The following FAM184A variants were observed in gnomAD, a reference collection of about 807,000 sequenced individuals.
The protein encoded by FAM184A is protein FAM184A.
A neutral mutation model predicts 143.8 loss-of-function variants in FAM184A; 99 were observed. The ratio of observed to expected loss-of-function variants is 0.69; its 90% CI spans 0.58 to 0.81. The LOEUF is 0.81. Ranked by LOEUF, FAM184A falls within the 40% of genes least tolerant of loss-of-function variation. The pLI is 0.00. For synonymous variants in FAM184A, 427 were observed against 446.4 expected (o/e 0.96, Z 0.55); for missense variants, 1,217 against 1,310.5 (o/e 0.93, Z 1.10).
At chr6:119,118,795 T>C (rs1179230368) in intron 1 of FAM184A, among the ~76,000 whole-genome samples, 1 of 152,004 alleles carries the variant, frequency 6.6e-6, no homozygotes, top group Non-Finnish European at 1.5e-5. Context: ...CTGAACAATA[T>C]GAAATCTGGG....
At chr6:119,140,766 G>C (rs1027707961) in intron 1 of FAM184A, among the ~76,000 whole-genome samples, 3 of 152,122 alleles carry the variant, frequency 2.0e-5, no homozygotes, top group Non-Finnish European at 2.9e-5. Flanking sequence ...GGCGAGGGAG[G>C]GTCTCTCTTT....
At chr6:119,076,904 C>T (rs1244021487) in intron 1 of FAM184A, among the ~76,000 whole-genome samples, 1 of 152,168 alleles carries the variant, frequency 6.6e-6, no homozygotes, top group African/African-American at 2.4e-5. Flanking sequence ...CTAACAATTT[C>T]TGAGACAGTG....
At position 119,011,400 on chromosome 6, in the gene FAM184A, A is replaced by C. The variant is rs1785084411; in HGVS notation, c.1562T>G (p.Leu521Arg). 6.4e-7 allele frequency: 1 copy of C among 1,564,792 alleles called. No individual in the cohort carries two copies. Among genetic ancestry groups the C allele is most frequent in the African/African-American group, 1.4e-5 (1 of 72,504 alleles). ...CTGATTTTTATCCTCTTCCAGGTTT[A>C]GTTTATCTTTGTTATGTTGTTCTTC... ...DLEEQHNKDK[L>R]NLEEDKNQLQ... Residue 521 changes from leucine (L) to arginine (R), a missense_variant, in exon 6 of 18, where the codon CTA becomes CGA. Physicochemically the swap from Leu to Arg is moderately radical, Grantham distance 102. Coordinates refer to ENST00000338891, the MANE Select transcript of FAM184A (RefSeq NM_024581.6).
intron 2 of FAM184A, 137 bp downstream of exon 2, chr6:119,023,822 T>TAAAAAAAAAAAAAAAAAAAAAAAAA (rs11353751): frequency 2.6e-6 from 1 of 389,420 alleles, no homozygotes; most frequent in Non-Finnish European, 4.2e-6. Flanking sequence ...CAGGAAAAGT[T>TAAAAAAAAAAAAAAAAAAAAAAAAA]AAAAAAAAAA....
intron 1 of FAM184A, among the ~76,000 whole-genome samples, chr6:119,130,373 C>T (rs1326094644): frequency 6.6e-6 from 1 of 152,116 alleles, no homozygotes; most frequent in Non-Finnish European, 1.5e-5. Flanking sequence ...AATAAATGCC[C>T]TAGATTCAAT....
In FAM184A at chr6:118,975,248, T is replaced by C. The variant is rs1019555412; in HGVS notation, c.2584-40A>G. 4 of 1,388,358 alleles carry C rather than the reference T, an allele frequency of 2.9e-6. No homozygotes were observed. The African/African-American group carries it at 5.8e-5, about 20-fold the overall frequency. The allele number at this position is 1,388,358 out of a possible 1,614,324, so 86.0% of individuals were successfully genotyped here. On this transcript the variant is annotated intron_variant, in intron 12 of 17. Coordinates refer to ENST00000338891, the MANE Select transcript of FAM184A (RefSeq NM_024581.6). ...AAGTCATTTTTAGAAGTTTTCTACATATTTGATTTCTGTGTTTATCTGCGG... is the reference window on the plus strand; with the variant it reads ...AAGTCATTTTTAGAAGTTTTCTACACATTTGATTTCTGTGTTTATCTGCGG...
intron 1 of FAM184A, among the ~76,000 whole-genome samples, chr6:119,025,255 A>G (rs1582520584): frequency 6.6e-6 from 1 of 152,176 alleles, no homozygotes; most frequent in African/African-American, 2.4e-5. Flanking sequence ...GAGGCTTCAC[A>G]TGAAGAGAAG....
chr6:119,018,095 C>T (rs1785324720), intron 4 of FAM184A, among the ~76,000 whole-genome samples: 1 of 152,154 alleles, frequency 6.6e-6, no homozygotes, highest in Admixed American at 6.5e-5. Context: ...TATTCCCTTA[C>T]AGCAATGCAA....
At position 119,019,673 on chromosome 6, in the gene FAM184A, G is replaced by A. The variant is rs561666155; in HGVS notation, c.1332+305C>T. 1.0e-3 allele frequency among the ~76,000 whole-genome samples: 158 copies of A among 152,196 alleles called. 1 individual carries two copies. The highest frequency in any genetic ancestry group is 4.0e-3 in the South Asian group (19 of 4,810). On this transcript the variant is annotated intron_variant, in intron 4 of 17. Transcript: ENST00000338891. Reference sequence around the variant, plus strand: ...GTAATATATTTCATTAATAGAAAACGAATAATGATTATAAGTATACACTCC... The same window carrying A: ...GTAATATATTTCATTAATAGAAAACAAATAATGATTATAAGTATACACTCC...
At chr6:119,017,992 C>A (rs2114675921) in intron 4 of FAM184A, among the ~76,000 whole-genome samples, 1 of 152,304 alleles carries the variant, frequency 6.6e-6, no homozygotes, top group South Asian at 2.1e-4. Flanking sequence ...TGAGGCCTCA[C>A]CAGAAACAGA....
rs377670098 is a variant in FAM184A at position 119,003,030 on chromosome 6, G to A, written c.1957C>T (p.Arg653Cys). The A allele has an allele frequency of 1.8e-5, 29 of 1,606,320 alleles. No individual in the cohort carries two copies. The highest frequency in any genetic ancestry group is 3.3e-4 in the Middle Eastern group (2 of 6,052). ...TCATGTTGAAGCCTTAACTCTTCAC[G>A]AAGTTTAGAACACTCTTGTCTAAAA... Reference protein sequence around the residue: ...ENLRQECSKLREELRLQHEED... With the variant: ...ENLRQECSKLCEELRLQHEED... The change falls in exon 9 of 18, where the codon CGT becomes TGT. Residue 653 changes from arginine to cysteine, a missense_variant. By Grantham distance (180) the Arg-to-Cys change is radical (BLOSUM62 -3). Coordinates refer to ENST00000338891, the MANE Select transcript of FAM184A (RefSeq NM_024581.6).
chr6:119,019,810 A>T (rs1480943844), intron 4 of FAM184A, among the ~76,000 whole-genome samples, 168 bp downstream of exon 4: 1 of 152,254 alleles, frequency 6.6e-6, no homozygotes, highest in East Asian at 1.9e-4. Context: ...ACAGCATAGG[A>T]TAGTCTAGCT....
chr6:119,063,835 C>T (rs926498466), intron 1 of FAM184A, among the ~76,000 whole-genome samples: 1 of 152,120 alleles, frequency 6.6e-6, no homozygotes, highest in Non-Finnish European at 1.5e-5. Flanking sequence ...TACTAATAAA[C>T]CAGCCTCCGG....
intron 14 of FAM184A, 68 bp from the exon 15 acceptor site, chr6:118,967,020 A>C: frequency 1.4e-6 from 1 of 731,194 alleles, no homozygotes; most frequent in Non-Finnish European, 2.2e-6. Context: ...ACCTACATTA[A>C]AAAAATTAGT....
chr6:119,134,733 T>C (rs979567055), intron 1 of FAM184A, among the ~76,000 whole-genome samples: 5 of 150,918 alleles, frequency 3.3e-5, no homozygotes, highest in Non-Finnish European at 7.4e-5. Context: ...CACAATATAC[T>C]CACTGAGATC....
chr6:119,033,316 A>G (rs770482376), intron 1 of FAM184A, among the ~76,000 whole-genome samples: 2 of 152,196 alleles, frequency 1.3e-5, no homozygotes, highest in East Asian at 1.9e-4. Context: ...CTGGTGATCA[A>G]TAACAGCACA....
chr6:119,016,649 C>T, intron 5 of FAM184A, 98 bp downstream of exon 5: 1 of 1,052,514 alleles, frequency 9.5e-7, no homozygotes, highest in Non-Finnish European at 1.4e-6. Context: ...TGGGTTTATT[C>T]TTGAAGTCAG....
chr6:119,128,379 T>C (rs1327191966), intron 1 of FAM184A, among the ~76,000 whole-genome samples: 2 of 152,160 alleles, frequency 1.3e-5, no homozygotes, highest in Non-Finnish European at 2.9e-5. Context: ...AGGGTCTGTA[T>C]GTTTGTTCTG....
rs752209910 is a variant in FAM184A at position 118,975,048 on chromosome 6, C to A, written c.2744G>T (p.Arg915Leu). 1 of 1,612,686 alleles carries A rather than the reference C, an allele frequency of 6.2e-7. No individual in the cohort carries two copies. Among genetic ancestry groups the A allele is most frequent in the Non-Finnish European group, 8.5e-7 (1 of 1,179,310 alleles). Residue 915 changes from arginine (R) to leucine (L), a missense_variant, in exon 13 of 18, where the codon CGA becomes CTA. By Grantham distance (102) the Arg-to-Leu change is moderately radical (BLOSUM62 -2). Transcript: ENST00000338891. ...CCTTATCTGTTGGTTAGATTCACTT[C>A]GTATTCTGAGAATTTCTTTCCCCTT... is the stretch of plus-strand genomic sequence containing the variant. ...EFKGKEILRI[R>L]SESNQQIRLH...
Sources: gnomAD v4.1 joint callset for allele counts (sites outside exome capture counted in the v4.1 genomes callset) on GRCh38, gnomAD v4.1.1 for gene constraint, MANE v1.5 for transcripts, NCBI Gene and HGNC (gene_info 2026-07-23, HGNC 2026-07-21) for gene names.